RIMBP2: variants seen among roughly 807,000 people sequenced by gnomAD.
RIMBP2 encodes the protein RIMS binding protein 2.
In RIMBP2, 48 loss-of-function variants were observed where a neutral mutation model predicts 118.6. The ratio of observed to expected loss-of-function variants is 0.40; its 90% CI spans 0.32 to 0.51. The LOEUF (loss-of-function observed/expected upper bound fraction) is 0.51. Ranked by LOEUF, RIMBP2 falls within the 20% of genes least tolerant of loss-of-function variation. RIMBP2 has a pLI of 0.41. For synonymous variants in RIMBP2, 762 were observed against 742.9 expected (o/e 1.03, Z -0.42); for missense variants, 1,551 against 1,768.3 (o/e 0.88, Z 2.20).
rs2057475980 is a variant in RIMBP2, at chr12:130,569,534, A to G, written c.-216-51617T>C. ...TATGGTTTGGATCTGCGTCCCCACC[A>G]CATCTCATGTTGAATTGCAAGCCCC... On this transcript the variant is annotated intron_variant, in intron 2 of 22. Coordinates refer to ENST00000690449, the MANE Select transcript of RIMBP2 (RefSeq NM_001393629.1). 2.0e-5 allele frequency among the ~76,000 whole-genome samples: 3 copies of G among 152,254 alleles called. No individual in the cohort carries two copies. The South Asian group carries it at 6.2e-4, about 32-fold the overall frequency.
intron 10 of RIMBP2, among the ~76,000 whole-genome samples, chr12:130,443,617 G>T (rs922411076): frequency 6.6e-6 from 1 of 152,208 alleles, no homozygotes; most frequent in Non-Finnish European, 1.5e-5. Context: ...GTTAGTCCTG[G>T]ATGCTAATAA....
At chr12:130,562,545 G>A (rs973841163) in intron 2 of RIMBP2, among the ~76,000 whole-genome samples, 1 of 152,174 alleles carries the variant, frequency 6.6e-6, no homozygotes, top group African/African-American at 2.4e-5. Context: ...GAGTACTTCT[G>A]GAAGCTCACA....
intron 2 of RIMBP2, among the ~76,000 whole-genome samples, chr12:130,569,634 T>G (rs1322465723): frequency 1.3e-5 from 2 of 152,178 alleles, no homozygotes; most frequent in Non-Finnish European, 2.9e-5. Flanking sequence ...ATTCTCCTGA[T>G]AGTGGGTTCT....
chr12:130,631,160 G>C (rs192064274), intron 1 of RIMBP2, among the ~76,000 whole-genome samples: 1 of 152,220 alleles, frequency 6.6e-6, no homozygotes, highest in East Asian at 1.9e-4. Context: ...CAGAAAGAAC[G>C]GGAGAAGAGT....
At chr12:130,629,896 C>G (rs2061879658) in intron 1 of RIMBP2, among the ~76,000 whole-genome samples, 1 of 65,064 alleles carries the variant, frequency 1.5e-5, no homozygotes, top group Non-Finnish European at 3.5e-5. Flanking sequence ...ATTTAAAAAC[C>G]TCTAATATGG....
At chr12:130,618,605 C>T (rs960739149) in intron 2 of RIMBP2, among the ~76,000 whole-genome samples, 8 of 152,092 alleles carry the variant, frequency 5.3e-5, no homozygotes, top group Non-Finnish European at 8.8e-5. Context: ...AGGAGTTCTG[C>T]GGCTCTTCCT....
In RIMBP2 at chr12:130,646,394, A is replaced by G. The variant is rs80055208; in HGVS notation, c.-351-17938T>C. ...CACCACCTCCCTCACCACCTCCCTC[A>G]CCACCTGCCTCTCCACCTCCCTCAC... is the stretch of plus-strand genomic sequence containing the variant. On this transcript the variant is annotated intron_variant, in intron 1 of 22. Coordinates refer to ENST00000690449, the MANE Select transcript of RIMBP2 (RefSeq NM_001393629.1). 4.8e-4 allele frequency among the ~76,000 whole-genome samples: 21 copies of G among 43,652 alleles called. 3 individuals are homozygous for G. The highest frequency in any genetic ancestry group is 8.2e-4 in the African/African-American group (5 of 6,098). The allele number at this position is 43,652 out of a possible 152,430, so 28.6% of individuals were successfully genotyped here.
At position 130,578,409 on chromosome 12, in the gene RIMBP2, G is replaced by T. The variant is rs2058236075; in HGVS notation, c.-217+49913C>A. On this transcript the variant is annotated intron_variant, in intron 2 of 22. Coordinates refer to ENST00000690449, the MANE Select transcript of RIMBP2 (RefSeq NM_001393629.1). The surrounding 1 kb of genome is among the most constrained non-coding windows in gnomAD (Gnocchi z 4.1). Reference sequence around the variant, plus strand: ...AGCAGTACAAAGTGCAAACCTGCCTGACATCCAAGACCTTCTGCAGCTTTG... The same window carrying T: ...AGCAGTACAAAGTGCAAACCTGCCTTACATCCAAGACCTTCTGCAGCTTTG... Among the ~76,000 whole-genome samples, 1 of 152,198 alleles carries T rather than the reference G, an allele frequency of 6.6e-6. No individual in the cohort carries two copies. The highest frequency in any genetic ancestry group is 1.5e-5 in the Non-Finnish European group (1 of 68,042).
At position 130,523,730 on chromosome 12, in the gene RIMBP2, C is replaced by T. The variant is rs948974835; in HGVS notation, c.-216-5813G>A. 1.3e-5 allele frequency among the ~76,000 whole-genome samples: 2 copies of T among 152,192 alleles called. No individual in the cohort carries two copies. The highest frequency in any genetic ancestry group is 2.4e-5 in the African/African-American group (1 of 41,450). ...TGTCAGTACCGGGCTCAGCAGGGGG[C>T]CCTGAGTGAGTGGGTGAGGAGCACC... On this transcript the variant is annotated intron_variant, in intron 2 of 22. Coordinates refer to ENST00000690449, the MANE Select transcript of RIMBP2 (RefSeq NM_001393629.1). The surrounding 1 kb of genome is among the most constrained non-coding windows in gnomAD (Gnocchi z 4.4).
rs2076647119 is a variant in RIMBP2 at position 130,424,580 on chromosome 12, C to A, written c.2691G>T (p.Val897=). Reference sequence around the variant, plus strand: ...CCCTGTCTTCCAGAAGGAAGTCCTCCACGTGGGGGACGGCCCCCGAGCCCC... The same window carrying A: ...CCCTGTCTTCCAGAAGGAAGTCCTCAACGTGGGGGACGGCCCCCGAGCCCC... ...KHRGSGAVPH[V]EDFLLEDRGC... is the part of the protein sequence containing the mutation. Residue 897 remains valine (V), a synonymous_variant, in exon 16 of 23, where the codon GTG becomes GTT. Coordinates refer to ENST00000690449, the MANE Select transcript of RIMBP2 (RefSeq NM_001393629.1). This position sits in a 1 kb window ranked among gnomAD's most constrained non-coding sequence, Gnocchi z 9.8. The A allele has an allele frequency of 4.1e-6, 5 of 1,231,874 alleles. No individual in the cohort carries two copies. The highest frequency in any genetic ancestry group is 1.6e-5 in the African/African-American group (1 of 64,398). The allele number at this position is 1,231,874 out of a possible 1,614,324, so 76.3% of individuals were successfully genotyped here.
At chr12:130,614,381 C>T (rs1283392334) in intron 2 of RIMBP2, among the ~76,000 whole-genome samples, 1 of 152,200 alleles carries the variant, frequency 6.6e-6, no homozygotes, top group Non-Finnish European at 1.5e-5. Flanking sequence ...GACATTCCCT[C>T]TGCCCTAACA....
chr12:130,401,029 A>C (rs1427030453), intron 21 of RIMBP2, among the ~76,000 whole-genome samples: 1 of 152,250 alleles, frequency 6.6e-6, no homozygotes, highest in Admixed American at 6.5e-5. Context: ...CAAGATGGAA[A>C]GAGTTCTGTA....
intron 4 of RIMBP2, among the ~76,000 whole-genome samples, chr12:130,504,114 A>C (rs2050076901): frequency 6.6e-6 from 1 of 152,138 alleles, no homozygotes; most frequent in Non-Finnish European, 1.5e-5. Context: ...TTCAGCCCCA[A>C]TTTCAGTCTT....
In RIMBP2 at chr12:130,440,103, C is replaced by T. The variant is rs1032566726; in HGVS notation, c.1505-1587G>A. Among the ~76,000 whole-genome samples the T allele has an allele frequency of 1.5e-4, 22 of 143,856 alleles. No homozygotes were observed. In the East Asian group the frequency reaches 1.7e-3, roughly 11 times the overall value. The allele number at this position is 143,856 out of a possible 152,430, so 94.4% of individuals were successfully genotyped here. A position where few individuals can be genotyped will look rare whatever the true frequency, so the allele number is the denominator to read the frequency against. On this transcript the variant is annotated intron_variant, in intron 11 of 22. Coordinates refer to ENST00000690449, the MANE Select transcript of RIMBP2 (RefSeq NM_001393629.1). ...CTGGCCGTACCTGCACCACCGTCCC[C>T]GGGCATGGCTAACCCTGGCCGTACC...
intron 6 of RIMBP2, 41 bp downstream of exon 6, chr12:130,470,652 G>A (rs560867450): frequency 2.8e-5 from 34 of 1,194,606 alleles, no homozygotes; most frequent in African/African-American, 9.4e-5. Context: ...TCTCCCCAAC[G>A]TCCCCCACCC....
At chr12:130,486,447 A>T (rs1593488187) in intron 4 of RIMBP2, among the ~76,000 whole-genome samples, 1 of 151,296 alleles carries the variant, frequency 6.6e-6, no homozygotes, top group African/African-American at 2.4e-5. Flanking sequence ...TTCCAAATGA[A>T]CCCTTCATCC....
chr12:130,664,944 G>A (rs2063853844), intron 1 of RIMBP2, among the ~76,000 whole-genome samples: 1 of 151,686 alleles, frequency 6.6e-6, no homozygotes, highest in Non-Finnish European at 1.5e-5. Context: ...ACTGCCCCTT[G>A]TACTAATCAA....
chr12:130,539,241 T>C (rs1230673636), intron 2 of RIMBP2, among the ~76,000 whole-genome samples: 1 of 152,238 alleles, frequency 6.6e-6, no homozygotes, highest in Non-Finnish European at 1.5e-5. Flanking sequence ...CATACATGTA[T>C]TATATAACAG....
rs77234486 is a variant in RIMBP2 at position 130,712,504 on chromosome 12, C to T, written c.-352+3718G>A. ...ATCACATCACCGCCTTCCACCTGCA[C>T]GTCCTGTCCCGCTGGGAGGTCTCCA... On this transcript the variant is annotated intron_variant, in intron 1 of 22. Transcript: ENST00000690449. 6.3e-3 allele frequency among the ~76,000 whole-genome samples: 956 copies of T among 152,288 alleles called. 9 individuals carry two copies. The highest frequency in any genetic ancestry group is 0.011 in the Non-Finnish European group (771 of 68,024).
Sources: gnomAD v4.1 joint callset for allele counts (sites outside exome capture counted in the v4.1 genomes callset) on GRCh38, gnomAD v4.1.1 for gene constraint, Gnocchi (gnomAD v3.1) non-coding constraint, MANE v1.5 for transcripts, NCBI Gene and HGNC (gene_info 2026-07-23, HGNC 2026-07-21) for gene names.